CDC42EP4: variants seen among roughly 807,000 people sequenced by gnomAD.
CDC42EP4 encodes CDC42 effector protein (Rho GTPase binding) 4.
CDC42EP4 carries 6 observed loss-of-function variants against 5.6 expected under a neutral mutation model. The ratio of observed to expected loss-of-function variants is 1.07; its 90% CI spans 0.59 to 2.12. The LOEUF (loss-of-function observed/expected upper bound fraction) is 2.12. Among genes scored for constraint, CDC42EP4 ranks in the 30% most tolerant of loss-of-function variants. The pLI is 0.00. For missense variants in CDC42EP4, 490 were observed against 508.6 expected (o/e 0.96, Z 0.35); for synonymous variants, 230 against 224.2 (o/e 1.03, Z -0.23).
At position 73,286,424 on chromosome 17, in the gene CDC42EP4, A is replaced by G; in HGVS notation, c.77T>C (p.Met26Thr). The change falls in exon 2 of 2, where the codon ATG becomes ACG. Residue 26 changes from methionine (M) to threonine (T), a missense_variant. By Grantham distance (81) the Met-to-Thr change is moderately conservative. Transcript: ENST00000335793. The surrounding 1 kb of genome is among the most constrained non-coding windows in gnomAD (Gnocchi z 7.7). ...GAAGTCGCCCAGCGGGGCGCTGATC[A>G]TCTCGGCCGTGAGGTCCGCTCGGGA... ...RRSRADLTAEMISAPLGDFRH... is the reference protein window; with the variant it reads ...RRSRADLTAETISAPLGDFRH... The G allele has an allele frequency of 6.2e-7, 1 of 1,613,494 alleles. No homozygotes were observed.
chr17:73,302,242 A>G lies in CDC42EP4; in HGVS notation c.-113+9651T>C, dbSNP rs558518042. Among the ~76,000 whole-genome samples, 5 of 152,314 alleles carry G rather than the reference A, an allele frequency of 3.3e-5. No individual in the cohort carries two copies. The South Asian group carries it at 1.0e-3, about 32-fold the overall frequency. On this transcript the variant is annotated intron_variant, in intron 1 of 1. Coordinates refer to ENST00000335793, the MANE Select transcript of CDC42EP4 (RefSeq NM_012121.5). ...ATGATTGAATCTTTTGGGCTTTGGA[A>G]GTGGATAAGCTCATCATCTGCAACT...
intron 1 of CDC42EP4, among the ~76,000 whole-genome samples, chr17:73,293,851 C>T (rs563938160): frequency 6.6e-6 from 1 of 152,316 alleles, no homozygotes; most frequent in African/African-American, 2.4e-5. Flanking sequence ...AGAACAGTGA[C>T]CGCTTAGATA....
intron 1 of CDC42EP4, among the ~76,000 whole-genome samples, chr17:73,298,073 G>C (rs2062198085): frequency 6.6e-6 from 1 of 151,160 alleles, no homozygotes; most frequent in Non-Finnish European, 1.5e-5. Context: ...AGACTATCTA[G>C]TTCTCTGGGT....
chr17:73,307,651 T>C (rs146644239), intron 1 of CDC42EP4, among the ~76,000 whole-genome samples: 2,888 of 151,904 alleles, frequency 0.019, 38 homozygotes, highest in Non-Finnish European at 0.028. Flanking sequence ...GGTTTCACTG[T>C]GTTAGTCAGG....
intron 1 of CDC42EP4, chr17:73,310,753 AC>A (rs1722166054): frequency 2.7e-5 from 1 of 37,446 alleles, no homozygotes; most frequent in African/African-American, 6.7e-5. Context: ...TCACACACAC[AC>A]ACACACACAC....
chr17:73,303,662 CAAAAAAAAA>C (rs542149787), intron 1 of CDC42EP4, among the ~76,000 whole-genome samples: 29 of 83,928 alleles, frequency 3.5e-4, no homozygotes, highest in African/African-American at 1.2e-3. Flanking sequence ...ACTCTGTCTC[CAAAAAAAAA>C]AAAAAAAAAA....
chr17:73,308,642 G>A (rs920511080), intron 1 of CDC42EP4, among the ~76,000 whole-genome samples: 9 of 152,290 alleles, frequency 5.9e-5, no homozygotes, highest in African/African-American at 1.7e-4. Context: ...CGCACAGACA[G>A]TCCGGGCCGC....
chr17:73,288,824 A>G (rs2062146490), intron 1 of CDC42EP4, among the ~76,000 whole-genome samples: 1 of 152,022 alleles, frequency 6.6e-6, no homozygotes, highest in Non-Finnish European at 1.5e-5. Context: ...CCCCCCTCCC[A>G]GTGCCCACGC....
rs200231408 is a variant in CDC42EP4 at position 73,285,685 on chromosome 17, G to A, written c.816C>T (p.Asp272=). 2.3e-4 allele frequency: 364 copies of A among 1,573,108 alleles called. 1 individual carries two copies. In the African/African-American group the frequency reaches 3.9e-3, roughly 17 times the overall value. Residue 272 remains aspartate (D), a synonymous_variant, in exon 2 of 2, where the codon GAC becomes GAT. Transcript: ENST00000335793. This position sits in a 1 kb window ranked among gnomAD's most constrained non-coding sequence, Gnocchi z 6.8. ...GAGCATGGGAGGGGAGGGAGGGCAA[G>A]TCTGGGCCAGCCTTGCCTTCCTGCC... The part of the protein sequence containing the change: ...LARQEGKAGP[D]LPSLPSHALE...
In CDC42EP4 at chr17:73,285,612, G is replaced by T. The variant is rs576422247; in HGVS notation, c.889C>A (p.Arg297Ser). The T allele has an allele frequency of 6.2e-7, 1 of 1,606,904 alleles. No individual in the cohort carries two copies. Among genetic ancestry groups the T allele is most frequent in the South Asian group, 1.1e-5 (1 of 90,768 alleles). The stretch of plus-strand genomic sequence containing the variant: ...CGTGTGGTGTGGCTGCCCATGCTGC[G>T]GGCTGAGCCGGGGCTGGGGGCCGCT... The part of the protein sequence containing the change: ...AAAAPSPGSA[R>S]SMGSHTTRDS... The change falls in exon 2 of 2, where the codon CGC becomes AGC. Residue 297 changes from arginine to serine, a missense_variant. Arg to Ser is a moderately radical substitution (Grantham distance 110, BLOSUM62 -1). Transcript: ENST00000335793. This position sits in a 1 kb window ranked among gnomAD's most constrained non-coding sequence, Gnocchi z 6.8.
rs1351176339 is a variant in CDC42EP4, at chr17:73,283,781, T to C, written c.*1649A>G. 1 of 152,284 alleles carries C rather than the reference T, an allele frequency of 6.6e-6. No individual in the cohort carries two copies. The highest frequency in any genetic ancestry group is 1.9e-4 in the East Asian group (1 of 5,198). 9.4% of individuals were successfully genotyped at this position (152,284 alleles called of 1,614,324 possible). ...CTCCCCCACCATGGGACCTAAGCTATTGGAAACAGGAGCACCAACAGGGCA... is the reference window on the plus strand; with the variant it reads ...CTCCCCCACCATGGGACCTAAGCTACTGGAAACAGGAGCACCAACAGGGCA... On this transcript the variant is annotated 3_prime_UTR_variant, in exon 2 of 2. Coordinates refer to ENST00000335793, the MANE Select transcript of CDC42EP4 (RefSeq NM_012121.5).
chr17:73,298,920 TCAGA>T (rs1599437362), intron 1 of CDC42EP4, among the ~76,000 whole-genome samples: 2 of 151,784 alleles, frequency 1.3e-5, no homozygotes, highest in African/African-American at 4.8e-5. Flanking sequence ...AAACGGAGAC[TCAGA>T]CAGAGTGAAT....
intron 1 of CDC42EP4, among the ~76,000 whole-genome samples, chr17:73,302,945 G>A (rs1043268256): frequency 6.7e-6 from 1 of 150,130 alleles, no homozygotes; most frequent in Non-Finnish European, 1.5e-5. Flanking sequence ...TCGGGAGGCT[G>A]AGGCAGGAGA....
At chr17:73,294,369 G>C (rs992755037) in intron 1 of CDC42EP4, among the ~76,000 whole-genome samples, 3 of 151,002 alleles carry the variant, frequency 2.0e-5, no homozygotes, top group Non-Finnish European at 3.0e-5. Flanking sequence ...AACAAACAAA[G>C]AAACAAAAAA....
At chr17:73,308,475 T>G (rs1414697509) in intron 1 of CDC42EP4, among the ~76,000 whole-genome samples, 1 of 152,124 alleles carries the variant, frequency 6.6e-6, no homozygotes, top group Non-Finnish European at 1.5e-5. Context: ...AGAACCAGAA[T>G]GAGAACACAG....
Position 73,285,290 on chromosome 17 carries a change from C to A in CDC42EP4, c.*140G>T, listed in dbSNP as rs948846707. The stretch of plus-strand genomic sequence containing the variant: ...GAAGACCCGAGGGCCAGGCCAGTGT[C>A]CCTCATCTACAAGGTCCAGGGTCCA... On this transcript the variant is annotated 3_prime_UTR_variant, in exon 2 of 2. Coordinates refer to ENST00000335793, the MANE Select transcript of CDC42EP4 (RefSeq NM_012121.5). The surrounding 1 kb of genome is among the most constrained non-coding windows in gnomAD (Gnocchi z 6.8). 13 of 667,700 alleles carry A rather than the reference C, an allele frequency of 1.9e-5. No homozygotes were observed. The highest frequency in any genetic ancestry group is 5.5e-5 in the Admixed American group (2 of 36,222). 41.4% of individuals were successfully genotyped at this position (667,700 alleles called of 1,614,324 possible).
Position 73,286,303 on chromosome 17 carries a change from G to A in CDC42EP4, c.198C>T (p.Asp66=), listed in dbSNP as rs151292502. 5.7e-5 allele frequency: 92 copies of A among 1,614,200 alleles called. No homozygotes were observed. The African/African-American group carries it at 9.7e-4, about 17-fold the overall frequency. ...TGGAAGATGAAGAAGAGGGCTGTTC[G>A]TCCAAGGACTCGCCGTCGGGCTCGC... ...KAGEPDGESL[D]EQPSSSSSKR... Residue 66 remains aspartate (D), a synonymous_variant, in exon 2 of 2, where the codon GAC becomes GAT. Transcript: ENST00000335793. This position sits in a 1 kb window ranked among gnomAD's most constrained non-coding sequence, Gnocchi z 7.7.
At chr17:73,303,620 C>T (rs541094117) in intron 1 of CDC42EP4, among the ~76,000 whole-genome samples, 2 of 151,178 alleles carry the variant, frequency 1.3e-5, no homozygotes, top group South Asian at 4.2e-4. Flanking sequence ...TGAGATCATG[C>T]CTCTGCACTC....
chr17:73,294,006 A>C (rs1209982323), intron 1 of CDC42EP4, among the ~76,000 whole-genome samples: 3 of 152,220 alleles, frequency 2.0e-5, no homozygotes, highest in African/African-American at 7.2e-5. Context: ...GTGCGCAAGG[A>C]GGTTAAGGCT....
Sources: allele counts gnomAD v4.1 joint callset (sites outside exome capture counted in the v4.1 genomes callset), GRCh38; gene constraint gnomAD v4.1.1; non-coding constraint Gnocchi (gnomAD v3.1); transcripts MANE v1.5; gene names NCBI Gene and HGNC (gene_info 2026-07-23, HGNC 2026-07-21).